The following LAMA2 variants were observed in gnomAD, a reference collection of about 807,000 sequenced individuals.
The protein encoded by LAMA2 is laminin subunit alpha-2.
Under a neutral mutation model 364.8 loss-of-function variants are expected in LAMA2, and 269 were observed. The observed-to-expected ratio is 0.74, with a 90% CI of 0.67 to 0.82. LAMA2 has a LOEUF of 0.82. Ranked by LOEUF, LAMA2 falls within the 40% of genes least tolerant of loss-of-function variation. The pLI, the probability that LAMA2 is intolerant of heterozygous loss-of-function variation, is 0.00. For missense variants in LAMA2, 3,807 were observed against 3,873.2 expected (o/e 0.98, Z 0.45); for synonymous variants, 1,379 against 1,370.6 (o/e 1.01, Z -0.14).
At chr6:128,985,592 A>G (rs1255034211) in intron 1 of LAMA2, among the ~76,000 whole-genome samples, 3 of 152,168 alleles carry the variant, frequency 2.0e-5, no homozygotes, top group Admixed American at 6.6e-5. Flanking sequence ...TTATGAAAAA[A>G]TTTGAACATA....
chr6:129,162,302 G>A (rs1779486317), intron 8 of LAMA2, among the ~76,000 whole-genome samples: 1 of 152,062 alleles, frequency 6.6e-6, no homozygotes, highest in Non-Finnish European at 1.5e-5. Context: ...GCAATACAAT[G>A]TTGTCATTTT....
chr6:129,251,640 A>G lies in LAMA2; in HGVS notation c.1885-444A>G, dbSNP rs148223499. Among the ~76,000 whole-genome samples the G allele has an allele frequency of 1.1e-4, 16 of 152,278 alleles. No individual in the cohort carries two copies. The East Asian group carries it at 2.7e-3, about 26-fold the overall frequency. ...ACAGGGAAAGCCAACCTGAAAATAA[A>G]AGTCTACTAAGGCCGGGTGTGGTGG... On this transcript the variant is annotated intron_variant, in intron 13 of 64. Coordinates refer to ENST00000421865, the MANE Select transcript of LAMA2 (RefSeq NM_000426.4).
intron 17 of LAMA2, among the ~76,000 whole-genome samples, chr6:129,272,123 C>T (rs533655401): frequency 6.6e-6 from 1 of 152,252 alleles, no homozygotes; most frequent in African/African-American, 2.4e-5. Context: ...CTAGGCCAAA[C>T]ACTGTATTTG....
chr6:129,406,214 TAGACAATCA>T (rs1780241214), intron 40 of LAMA2, among the ~76,000 whole-genome samples: 1 of 152,084 alleles, frequency 6.6e-6, no homozygotes, highest in South Asian at 2.1e-4. Flanking sequence ...TAAACACACA[TAGACAATCA>T]AGAATCACAC....
intron 3 of LAMA2, among the ~76,000 whole-genome samples, chr6:129,094,530 T>C (rs1405210588): frequency 6.6e-6 from 1 of 152,224 alleles, no homozygotes; most frequent in Non-Finnish European, 1.5e-5. Flanking sequence ...TAAATCCACA[T>C]TGTAGCTGCA....
At chr6:129,192,604 G>A (rs889352242) in intron 11 of LAMA2, 76 bp from the exon 12 acceptor site, 11 of 1,418,440 alleles carry the variant, frequency 7.8e-6, no homozygotes, top group Middle Eastern at 2.0e-4. Flanking sequence ...AAGTGGACAC[G>A]ACCAGGAACA....
intron 35 of LAMA2, among the ~76,000 whole-genome samples, chr6:129,386,579 T>C (rs1779030551): frequency 6.6e-6 from 1 of 152,086 alleles, no homozygotes. Flanking sequence ...CAGTTCACCA[T>C]ACAAAAATAA....
intron 46 of LAMA2, 54 bp from the exon 47 acceptor site, chr6:129,454,101 C>CA: frequency 6.5e-7 from 1 of 1,538,394 alleles, no homozygotes; most frequent in African/African-American, 1.4e-5. Context: ...CTGGTCTCCT[C>CA]TTTAAAGGTG....
At chr6:129,328,490 G>A (rs1481707540) in intron 29 of LAMA2, 78 bp downstream of exon 29, 2 of 1,608,928 alleles carry the variant, frequency 1.2e-6, no homozygotes, top group Non-Finnish European at 1.7e-6. Context: ...GCATGCAGAG[G>A]CCAGCTAAAC....
intron 4 of LAMA2, among the ~76,000 whole-genome samples, chr6:129,107,371 A>G (rs1775891478): frequency 6.6e-6 from 1 of 152,096 alleles, no homozygotes; most frequent in Admixed American, 6.6e-5. Context: ...ACTCCTAACT[A>G]TGAAATGACT....
intron 40 of LAMA2, among the ~76,000 whole-genome samples, chr6:129,416,619 A>G (rs1780804081): frequency 6.6e-6 from 1 of 152,084 alleles, no homozygotes; most frequent in South Asian, 2.1e-4. Flanking sequence ...GGAAGTTCTG[A>G]TGTCACAGGA....
intron 4 of LAMA2, among the ~76,000 whole-genome samples, chr6:129,129,191 C>A (rs545488006): frequency 1.3e-5 from 2 of 152,146 alleles, no homozygotes; most frequent in African/African-American, 4.8e-5. Context: ...CTTCCTCATG[C>A]CATTTAAAGA....
At position 129,460,311 on chromosome 6, in the gene LAMA2, G is replaced by T; in HGVS notation, c.6979G>T (p.Gly2327Ter). 1.9e-6 allele frequency: 3 copies of T among 1,612,238 alleles called. No homozygotes were observed. The highest frequency in any genetic ancestry group is 2.5e-6 in the Non-Finnish European group (3 of 1,178,704). ...NFREKEGDCK[G>*]CTVSPQVEDS... The stretch of plus-strand genomic sequence containing the variant: ...CCGAGAAAAAGAAGGTGACTGCAAA[G>T]GATGCACTGTCAGGTTAGTTGAGAT... The change falls in exon 49 of 65, where the codon GGA (glycine) becomes TGA (stop). Residue 2327 changes from glycine to a stop codon, truncating the protein, a stop_gained. Coordinates refer to ENST00000421865, the MANE Select transcript of LAMA2 (RefSeq NM_000426.4). LOFTEE classifies it high-confidence loss of function.
intron 62 of LAMA2, among the ~76,000 whole-genome samples, chr6:129,508,164 G>C (rs889194864): frequency 5.9e-5 from 9 of 152,144 alleles, no homozygotes; most frequent in African/African-American, 2.2e-4. Flanking sequence ...TATATCACTG[G>C]TCATGAAGGT....
chr6:129,092,079 C>T (rs1385233618), intron 3 of LAMA2, among the ~76,000 whole-genome samples: 3 of 152,174 alleles, frequency 2.0e-5, no homozygotes, highest in Non-Finnish European at 2.9e-5. Flanking sequence ...CCTCTGTTTT[C>T]ATCAGACCTA....
At chr6:129,478,245 AT>A (rs1205423708) in intron 53 of LAMA2, among the ~76,000 whole-genome samples, 2 of 97,698 alleles carry the variant, frequency 2.0e-5, no homozygotes, top group African/African-American at 3.0e-5. Context: ...ATAAAAAAAA[AT>A]CTTTTTCAAA....
chr6:129,327,909 G>A (rs971603066), intron 28 of LAMA2, among the ~76,000 whole-genome samples: 9 of 152,066 alleles, frequency 5.9e-5, no homozygotes, highest in African/African-American at 1.9e-4. Flanking sequence ...TATCCATCAA[G>A]CACAGTAAAA....
chr6:129,387,238 G>A (rs1779067113), intron 35 of LAMA2, among the ~76,000 whole-genome samples: 1 of 152,080 alleles, frequency 6.6e-6, no homozygotes, highest in South Asian at 2.1e-4. Context: ...CCTGTGCCAT[G>A]GTGGTTTGCT....
intron 3 of LAMA2, among the ~76,000 whole-genome samples, chr6:129,079,608 G>A (rs1341293878): frequency 3.3e-5 from 5 of 150,676 alleles, no homozygotes; most frequent in South Asian, 2.1e-4. Context: ...AAGTGGTGGT[G>A]GTTCATATTT....
Sources: gnomAD v4.1 joint callset for allele counts (sites outside exome capture counted in the v4.1 genomes callset) on GRCh38, gnomAD v4.1.1 for gene constraint, MANE v1.5 for transcripts, NCBI Gene and HGNC (gene_info 2026-07-23, HGNC 2026-07-21) for gene names.